The following DUSP13B variants were observed in gnomAD, a reference collection of about 807,000 sequenced individuals.
DUSP13B encodes dual specificity phosphatase 13B, also known as dual specificity protein phosphatase 13B.
the DUSP13B span, among the ~76,000 whole-genome samples, chr10:75,102,821 G>A: frequency 3.0e-3 from 449 of 152,146 alleles, 2 homozygotes; most frequent in African/African-American, 0.01. Flanking sequence ...GCGTGGTGGC[G>A]CATGCCTGTA....
the DUSP13B span, among the ~76,000 whole-genome samples, chr10:75,107,415 A>C: frequency 3.3e-5 from 5 of 152,080 alleles, no homozygotes; most frequent in Admixed American, 3.3e-4. Flanking sequence ...TGCTTTCCCA[A>C]AGTTGAGTGT....
the DUSP13B span, chr10:75,103,978 A>G: frequency 7.4e-7 from 1 of 1,342,468 alleles, no homozygotes; most frequent in Non-Finnish European, 9.9e-7. Context: ...GGCCGACCCC[A>G]CGCTGGGCTT....
At chr10:75,107,592 G>T in the DUSP13B span, among the ~76,000 whole-genome samples, 2 of 151,838 alleles carry the variant, frequency 1.3e-5, no homozygotes, top group East Asian at 1.9e-4. Flanking sequence ...TTTTTGGCGG[G>T]GGGGGATGGA....
chr10:75,104,934 G>A, the DUSP13B span, among the ~76,000 whole-genome samples: 1 of 152,024 alleles, frequency 6.6e-6, no homozygotes, highest in Admixed American at 6.6e-5. Flanking sequence ...GGAGGTTTCT[G>A]GGAGGAAAAA....
the DUSP13B span, chr10:75,105,967 G>A: frequency 5.3e-6 from 6 of 1,129,234 alleles, no homozygotes; most frequent in Non-Finnish European, 7.7e-6. Context: ...TGCCTTGGGT[G>A]CACTCTGTGA....
the DUSP13B span, chr10:75,109,139 G>T: frequency 1.9e-6 from 3 of 1,600,646 alleles, no homozygotes; most frequent in East Asian, 6.9e-5. Flanking sequence ...CCCAGCTCTG[G>T]GAGAGAGGTC....
At chr10:75,098,530 G>A in the DUSP13B span, among the ~76,000 whole-genome samples, 1 of 152,214 alleles carries the variant, frequency 6.6e-6, no homozygotes, top group Non-Finnish European at 1.5e-5. Flanking sequence ...GGGAGGCTGA[G>A]GCAGGCAGAT....
chr10:75,108,426 G>A, the DUSP13B span: 17 of 805,342 alleles, frequency 2.1e-5, no homozygotes, highest in Non-Finnish European at 3.0e-5. Context: ...GGGATCTTTA[G>A]ACCCTCTTTG....
At chr10:75,094,718 C>A in the DUSP13B span, 1 of 1,614,188 alleles carries the variant, frequency 6.2e-7, no homozygotes, top group Non-Finnish European at 8.5e-7. Context: ...TGTCCAGAAC[C>A]TGGAGCTGCC....
chr10:75,095,389 T>C, the DUSP13B span, among the ~76,000 whole-genome samples: 1 of 152,198 alleles, frequency 6.6e-6, no homozygotes, highest in African/African-American at 2.4e-5. Flanking sequence ...ATGTCTGCAA[T>C]TGCTAGCCTC....
the DUSP13B span, chr10:75,105,711 G>C: frequency 6.4e-7 from 1 of 1,553,010 alleles, no homozygotes; most frequent in East Asian, 2.4e-5. Context: ...CCAGCCTGCA[G>C]AGCTGGTGCA....
the DUSP13B span, chr10:75,099,497 G>A: frequency 4.1e-6 from 5 of 1,231,904 alleles, no homozygotes; most frequent in Admixed American, 4.2e-5. Context: ...GAGCGGAACA[G>A]GGCTGGGCAG....
the DUSP13B span, chr10:75,108,143 G>A: frequency 2.5e-6 from 4 of 1,613,232 alleles, no homozygotes; most frequent in Non-Finnish European, 3.4e-6. Context: ...AGAGGCCCTT[G>A]TGGGCGGCGT....
At chr10:75,108,902 G>C in the DUSP13B span, 1 of 1,438,010 alleles carries the variant, frequency 7.0e-7, no homozygotes, top group East Asian at 2.6e-5. Flanking sequence ...GGGATGGTCA[G>C]AGCAGAGCTA....
chr10:75,109,173 C>T, the DUSP13B span: 1 of 1,557,668 alleles, frequency 6.4e-7, no homozygotes, highest in Non-Finnish European at 8.7e-7. Context: ...AGCCCGCCCA[C>T]CCCTCTGCCT....
At chr10:75,108,136 G>A in the DUSP13B span, 2 of 1,613,482 alleles carry the variant, frequency 1.2e-6, no homozygotes, top group Non-Finnish European at 1.7e-6. Flanking sequence ...TGACAGTAGA[G>A]GCCCTTGTGG....
chr10:75,094,680 A>C, the DUSP13B span: 8 of 1,613,632 alleles, frequency 5.0e-6, no homozygotes, highest in Non-Finnish European at 6.8e-6. Flanking sequence ...GCCAGATCAG[A>C]ACCGCCCCGT....
At chr10:75,095,008 G>A in the DUSP13B span, 114 of 832,330 alleles carry the variant, frequency 1.4e-4, 1 homozygote, top group South Asian at 1.9e-3. Flanking sequence ...GTCAAATGGG[G>A]CAACTGAAGC....
At chr10:75,102,690 T>C in the DUSP13B span, among the ~76,000 whole-genome samples, 3 of 152,068 alleles carry the variant, frequency 2.0e-5, no homozygotes, top group Non-Finnish European at 4.4e-5. Context: ...CGGTGGCTCA[T>C]GCCTGTAATC....
Sources: allele counts gnomAD v4.1 joint callset (sites outside exome capture counted in the v4.1 genomes callset), GRCh38; gene constraint gnomAD v4.1.1; transcripts MANE v1.5; gene names NCBI Gene and HGNC (gene_info 2026-07-23, HGNC 2026-07-21).